The following AK8 variants were observed in gnomAD, a reference collection of about 807,000 sequenced individuals.
AK8 encodes ATP-AMP transphosphorylase 8.
In AK8, 44 loss-of-function variants were observed where a neutral mutation model predicts 54.6. The observed-to-expected ratio is 0.81, with a 90% confidence interval of 0.63 to 1.04. The LOEUF (loss-of-function observed/expected upper bound fraction) is 1.04. Ranked by LOEUF, AK8 falls within the 50% of genes least tolerant of loss-of-function variation. The pLI, the probability that AK8 is intolerant of heterozygous loss-of-function variation, is 0.00. For missense variants in AK8, 555 were observed against 613.6 expected, an observed-to-expected ratio of 0.90 and a Z score of 1.01; for synonymous variants, 239 against 245.6, an observed-to-expected ratio of 0.97 and a Z score of 0.25.
At position 132,828,691 on chromosome 9, in the gene AK8, C is replaced by A; in HGVS notation, c.438G>T (p.Glu146Asp). Residue 146 changes from glutamate (E) to aspartate (D), a missense_variant, in exon 6 of 13, where the codon GAG (glutamate) becomes GAT (aspartate). Transcript: ENST00000298545. ...WILDGIPETR[E>D]QALRIQTLGI... ...CCAGGGTCTGGATCCTCAGAGCCTGCTCACGCGTCTCAGGGATGCCATCCA... is the reference window on the plus strand; with the variant it reads ...CCAGGGTCTGGATCCTCAGAGCCTGATCACGCGTCTCAGGGATGCCATCCA... 1.4e-5 allele frequency: 23 copies of A among 1,612,400 alleles called. No homozygotes were observed. Among genetic ancestry groups the A allele is most frequent in the Non-Finnish European group, 2.0e-5 (23 of 1,178,938 alleles).
upstream of AK8, chr9:132,878,419 A>G (rs1844259126): frequency 1.6e-6 from 2 of 1,234,928 alleles, no homozygotes; most frequent in Non-Finnish European, 1.0e-6. The surrounding 1 kb of genome is among the most constrained non-coding windows in gnomAD (Gnocchi z 4.7). Context: ...TCCCCGGCTG[A>G]CGCGCTCTGC....
intron 11 of AK8, among the ~76,000 whole-genome samples, chr9:132,754,726 G>A (rs1445452454): frequency 6.6e-6 from 1 of 151,454 alleles, no homozygotes; most frequent in Non-Finnish European, 1.5e-5. Flanking sequence ...TTTCCAATTT[G>A]ATTCCATTTT....
rs550437141 is a variant in AK8 at position 132,837,861 on chromosome 9, G to A, written c.403-9135C>T. Among the ~76,000 whole-genome samples the A allele has an allele frequency of 1.1e-4, 17 of 152,238 alleles. 1 individual carries two copies. The highest frequency in any genetic ancestry group is 2.4e-4 in the African/African-American group (10 of 41,538). Reference sequence around the variant, plus strand: ...ACCAAGCCCTCAGAAGCCCTGCCTCGCCGTGATGCGGGCCATACGTTTCCT... The same window carrying A: ...ACCAAGCCCTCAGAAGCCCTGCCTCACCGTGATGCGGGCCATACGTTTCCT... On this transcript the variant is annotated intron_variant, in intron 5 of 12. Coordinates refer to ENST00000298545, the MANE Select transcript of AK8 (RefSeq NM_152572.3). The surrounding 1 kb of genome is among the most constrained non-coding windows in gnomAD (Gnocchi z 4.3).
chr9:132,824,494 C>T (rs916476592), intron 8 of AK8, among the ~76,000 whole-genome samples: 1 of 152,226 alleles, frequency 6.6e-6, no homozygotes, highest in Non-Finnish European at 1.5e-5. Context: ...ATCCTCAGCA[C>T]TACTGACATC....
intron 11 of AK8, among the ~76,000 whole-genome samples, chr9:132,740,494 T>C (rs184266479): frequency 2.6e-5 from 4 of 152,264 alleles, no homozygotes; most frequent in East Asian, 1.9e-4. Flanking sequence ...CCGTGTGTGG[T>C]GGGCTGAGTT....
At chr9:132,795,391 T>C (rs1417258708) in intron 10 of AK8, among the ~76,000 whole-genome samples, 2 of 152,076 alleles carry the variant, frequency 1.3e-5, no homozygotes, top group African/African-American at 4.8e-5. Context: ...AACTGGGGCG[T>C]GGGGAGCCAG....
At position 132,727,731 on chromosome 9, in the gene AK8, C is replaced by T. The variant is rs539211874; in HGVS notation, c.1122-197G>A. Reference sequence around the variant, plus strand: ...ACTCCAGAGCCTGTGTCCCCCCAACCGCCTCCTTCATCTGACTCTCACACC... The same window carrying T: ...ACTCCAGAGCCTGTGTCCCCCCAACTGCCTCCTTCATCTGACTCTCACACC... On this transcript the variant is annotated intron_variant, in intron 11 of 12. Transcript: ENST00000298545. 1.2e-3 allele frequency: 643 copies of T among 534,720 alleles called. 12 individuals are homozygous for T. Among genetic ancestry groups the T allele is most frequent in the South Asian group, 8.4e-3 (413 of 49,052 alleles). 33.1% of individuals were successfully genotyped at this position (534,720 alleles called of 1,614,324 possible).
chr9:132,827,848 C>T (rs1293170020), intron 7 of AK8, 165 bp downstream of exon 7: 1 of 640,888 alleles, frequency 1.6e-6, no homozygotes, highest in Admixed American at 2.9e-5. Flanking sequence ...CCAGAATGTA[C>T]CCTTGCCAGT....
chr9:132,823,287 C>T lies in AK8; in HGVS notation c.807G>A (p.Pro269=), dbSNP rs371695804. 4.4e-5 allele frequency: 71 copies of T among 1,613,518 alleles called. No individual in the cohort carries two copies. Among genetic ancestry groups the T allele is most frequent in the South Asian group, 3.7e-4 (34 of 91,022 alleles). The part of the protein sequence containing the change: ...SNHRTNAPFT[P]RVLLLGPVGS... ...CCACAGGCCCGAGCAGCAGCACCCTCGGGGTGAACGGGGCATTAGTACGAT... is the reference window on the plus strand; with the variant it reads ...CCACAGGCCCGAGCAGCAGCACCCTTGGGGTGAACGGGGCATTAGTACGAT... Residue 269 remains proline (P), a synonymous_variant, in exon 9 of 13, where the codon CCG becomes CCA. Coordinates refer to ENST00000298545, the MANE Select transcript of AK8 (RefSeq NM_152572.3).
intron 11 of AK8, among the ~76,000 whole-genome samples, chr9:132,753,568 C>T (rs2131025576): frequency 6.6e-6 from 1 of 152,360 alleles, no homozygotes; most frequent in Non-Finnish European, 1.5e-5. Context: ...CAGGTACTCA[C>T]ATCCTGGTAG....
chr9:132,736,662 G>A (rs574963912), intron 11 of AK8, among the ~76,000 whole-genome samples: 2 of 151,288 alleles, frequency 1.3e-5, no homozygotes, highest in South Asian at 2.1e-4. Context: ...GTGGGCGCCC[G>A]TAGTCCCAGC....
rs141142677 is a variant in AK8 at position 132,740,891 on chromosome 9, T to C, written c.1122-13357A>G. Among the ~76,000 whole-genome samples the C allele has an allele frequency of 6.2e-3, 940 of 152,276 alleles. 8 individuals carry two copies. The highest frequency in any genetic ancestry group is 0.022 in the African/African-American group (899 of 41,552). ...ATGGGGATGCAGAAGAGTTGACCAA[T>C]CCTAGTGTCCAGAAGACTTCTTTGA... On this transcript the variant is annotated intron_variant, in intron 11 of 12. Transcript: ENST00000298545.
intron 5 of AK8, among the ~76,000 whole-genome samples, chr9:132,834,608 T>C (rs1379027432): frequency 1.3e-5 from 2 of 152,176 alleles, no homozygotes; most frequent in East Asian, 3.9e-4. Flanking sequence ...CTGATCAAGG[T>C]GAGGTGTGCC....
At position 132,878,115 on chromosome 9, in the gene AK8, G is replaced by C. The variant is rs1564453718; in HGVS notation, c.84+57C>G. The C allele has an allele frequency of 6.5e-7, 1 of 1,549,624 alleles. No homozygotes were observed. Among genetic ancestry groups the C allele is most frequent in the Non-Finnish European group, 8.7e-7 (1 of 1,146,450 alleles). On this transcript the variant is annotated intron_variant, in intron 1 of 12. Transcript: ENST00000298545. This position sits in a 1 kb window ranked among gnomAD's most constrained non-coding sequence, Gnocchi z 4.7. ...GGGTCCCGGCCGCGCACCCGACGTC[G>C]CAGTGGAGGCTCCCGAGCCGCCGCC...
intron 5 of AK8, among the ~76,000 whole-genome samples, chr9:132,839,206 G>A (rs537872616): frequency 2.0e-4 from 31 of 152,262 alleles, no homozygotes; most frequent in African/African-American, 7.0e-4. Flanking sequence ...GGCCTCCCAC[G>A]GTGCTGGGAT....
chr9:132,796,601 C>T (rs371476673), intron 10 of AK8, among the ~76,000 whole-genome samples: 29 of 152,022 alleles, frequency 1.9e-4, no homozygotes, highest in African/African-American at 6.3e-4. Flanking sequence ...ATTAGACAAC[C>T]TTTTAAAAAC....
chr9:132,764,664 A>G (rs1838640191), intron 11 of AK8, among the ~76,000 whole-genome samples: 2 of 152,206 alleles, frequency 1.3e-5, no homozygotes, highest in East Asian at 3.8e-4. Context: ...AGATTGAATC[A>G]GTAATAAAAA....
Position 132,814,666 on chromosome 9 carries a change from G to A in AK8, c.951C>T (p.Ile317=), listed in dbSNP as rs201344905. The A allele has an allele frequency of 3.8e-5, 61 of 1,614,148 alleles. No individual in the cohort carries two copies. In the East Asian group the frequency reaches 1.3e-3, roughly 35 times the overall value. Residue 317 remains isoleucine (I), a synonymous_variant, in exon 10 of 13, where the codon ATC becomes ATT. Coordinates refer to ENST00000298545, the MANE Select transcript of AK8 (RefSeq NM_152572.3). ...VADRTTFGEL[I]QPFFEKEMAV... is the part of the protein sequence containing the mutation. Reference sequence around the variant, plus strand: ...CCATCTCCTTTTCAAAGAAGGGCTGGATGAGCTCGCCAAACGTGGTCCTAT... The same window carrying A: ...CCATCTCCTTTTCAAAGAAGGGCTGAATGAGCTCGCCAAACGTGGTCCTAT...
rs1025572886 is a variant in AK8 at position 132,816,187 on chromosome 9, C to T, written c.890-1460G>A. ...TGGCCAATATGGTGAAACTCCGTCT[C>T]TACTAAAAATACAAAAATTAGCCCA... On this transcript the variant is annotated intron_variant, in intron 9 of 12. Coordinates refer to ENST00000298545, the MANE Select transcript of AK8 (RefSeq NM_152572.3). Among the ~76,000 whole-genome samples the T allele has an allele frequency of 2.6e-5, 4 of 152,092 alleles. 1 individual carries two copies.
Sources: gnomAD v4.1 joint callset for allele counts (sites outside exome capture counted in the v4.1 genomes callset) on GRCh38, gnomAD v4.1.1 for gene constraint, Gnocchi (gnomAD v3.1) non-coding constraint, MANE v1.5 for transcripts, NCBI Gene and HGNC (gene_info 2026-07-23, HGNC 2026-07-21) for gene names.